The following SIAH3 variants were observed in gnomAD, a reference collection of about 807,000 sequenced individuals.
SIAH3 encodes siah E3 ubiquitin protein ligase family member 3, also known as seven in absentia homolog 3.
A neutral mutation model predicts 12.6 loss-of-function variants in SIAH3; 9 were observed. The observed-to-expected ratio is 0.72, with a 90% CI of 0.43 to 1.25. The LOEUF (loss-of-function observed/expected upper bound fraction) is 1.25, where lower values mean the gene tolerates loss of function less well. Among genes scored for constraint, SIAH3 ranks in the 50% most tolerant of loss-of-function variants. The pLI, the probability that SIAH3 is intolerant of heterozygous loss-of-function variation, is 0.00. For synonymous variants in SIAH3, 154 were observed against 151.1 expected (o/e 1.02, Z -0.14); for missense variants, 390 against 365.4 (o/e 1.07, Z -0.55).
rs148357132 is a variant in SIAH3, at chr13:45,789,538, C to G, written c.136-5481G>C. Among the ~76,000 whole-genome samples the G allele has an allele frequency of 4.8e-3, 729 of 152,204 alleles. 5 individuals carry two copies. The highest frequency in any genetic ancestry group is 0.017 in the African/African-American group (687 of 41,516). ...TCTCCTGTCTCAGTTTCCTGAGTAG[C>G]TGGGACTACAGGCGCCTGCTACCAT... On this transcript the variant is annotated intron_variant, in intron 1 of 1. Transcript: ENST00000400405.
chr13:45,849,485 T>C (rs1241947139), intron 1 of SIAH3, among the ~76,000 whole-genome samples: 1 of 152,170 alleles, frequency 6.6e-6, no homozygotes, highest in Non-Finnish European at 1.5e-5. Flanking sequence ...ATGAAACACC[T>C]CTGATACCTC....
At chr13:45,788,522 G>A (rs1397864876) in intron 1 of SIAH3, among the ~76,000 whole-genome samples, 1 of 152,164 alleles carries the variant, frequency 6.6e-6, no homozygotes, top group Non-Finnish European at 1.5e-5. Context: ...GCAATGTTAG[G>A]CTTTATAGGC....
intron 1 of SIAH3, among the ~76,000 whole-genome samples, chr13:45,797,786 G>A (rs568025349): frequency 4.6e-4 from 70 of 152,226 alleles, no homozygotes; most frequent in Non-Finnish European, 8.7e-4. Context: ...CCATCATGCC[G>A]GGCATCCTTC....
At chr13:45,840,256 C>CA (rs1359442931) in intron 1 of SIAH3, among the ~76,000 whole-genome samples, 72 of 150,204 alleles carry the variant, frequency 4.8e-4, no homozygotes, top group South Asian at 1.3e-3. Context: ...AAACTCTGGC[C>CA]AAAAAAAAAC....
intron 1 of SIAH3, among the ~76,000 whole-genome samples, chr13:45,832,290 C>T (rs746985803): frequency 6.6e-6 from 1 of 152,218 alleles, no homozygotes; most frequent in Admixed American, 6.5e-5. Flanking sequence ...TCGCCACTAT[C>T]TATTTTCAGA....
intron 1 of SIAH3, among the ~76,000 whole-genome samples, chr13:45,827,132 G>A (rs889171544): frequency 6.6e-6 from 1 of 152,162 alleles, no homozygotes; most frequent in African/African-American, 2.4e-5. Flanking sequence ...TCTGATGCCT[G>A]TGTGACTGAC....
rs1950516766 is a variant in SIAH3, at chr13:45,784,012, C to T, written c.181G>A (p.Gly61Ser). The T allele has an allele frequency of 4.4e-6, 7 of 1,605,394 alleles. No homozygotes were observed. The highest frequency in any genetic ancestry group is 6.0e-6 in the Non-Finnish European group (7 of 1,176,006). Residue 61 changes from glycine (G) to serine (S), a missense_variant, in exon 2 of 2, where the codon GGC becomes AGC. Coordinates refer to ENST00000400405, the MANE Select transcript of SIAH3 (RefSeq NM_198849.3). ...RAVTQSAPEQGSFHPHHLSHH... is the reference protein window; with the variant it reads ...RAVTQSAPEQSSFHPHHLSHH... ...GAGAGATGGTGAGGGTGGAAGCTGC[C>T]TTGCTCTGGAGCGCTCTGAGTGACG...
intron 1 of SIAH3, among the ~76,000 whole-genome samples, chr13:45,784,398 G>GTTTTTTTTTTTT (rs35686357): frequency 2.7e-4 from 18 of 65,782 alleles, no homozygotes; most frequent in South Asian, 7.0e-4. Context: ...AAAGACAGCT[G>GTTTTTTTTTTTT]TTTTTTTTTT....
chr13:45,851,229 T>G (rs1339444402), intron 1 of SIAH3, among the ~76,000 whole-genome samples: 1 of 151,972 alleles, frequency 6.6e-6, no homozygotes, highest in African/African-American at 2.4e-5. Flanking sequence ...CACGCCACTC[T>G]CAGGTTGACA....
chr13:45,779,087 T>C lies in SIAH3; in HGVS notation c.*4296A>G, dbSNP rs1950494588. The C allele has an allele frequency of 6.6e-6, 1 of 152,172 alleles. No homozygotes were observed. The highest frequency in any genetic ancestry group is 1.5e-5 in the Non-Finnish European group (1 of 68,030). 9.4% of individuals were successfully genotyped at this position (152,172 alleles called of 1,614,324 possible). A position where few individuals can be genotyped will look rare whatever the true frequency, so the allele number is the denominator to read the frequency against. On this transcript the variant is annotated 3_prime_UTR_variant, in exon 2 of 2. Coordinates refer to ENST00000400405, the MANE Select transcript of SIAH3 (RefSeq NM_198849.3). ...TTCCACCATGGCTAATTTCAAGCAA[T>C]CACCATGACGTCACTAAATGTGGAG...
At chr13:45,850,207 A>G (rs1379019010) in intron 1 of SIAH3, among the ~76,000 whole-genome samples, 1 of 152,066 alleles carries the variant, frequency 6.6e-6, no homozygotes, top group Non-Finnish European at 1.5e-5. Flanking sequence ...CCCCTCCCCC[A>G]GGACTGGCCT....
In SIAH3 at chr13:45,778,980, A is replaced by T. The variant is rs1281733801; in HGVS notation, c.*4403T>A. ...CCCAAGGATACTGAGGGATGATTAT[A>T]CTGTTAAGTGCTTAACAACTGGCTT... is the stretch of plus-strand genomic sequence containing the variant. On this transcript the variant is annotated 3_prime_UTR_variant, in exon 2 of 2. Transcript: ENST00000400405. 1 of 152,170 alleles carries T rather than the reference A, an allele frequency of 6.6e-6. No individual in the cohort carries two copies. The highest frequency in any genetic ancestry group is 1.5e-5 in the Non-Finnish European group (1 of 68,038). The allele number at this position is 152,170 out of a possible 1,614,324, so 9.4% of individuals were successfully genotyped here. A position where few individuals can be genotyped will look rare whatever the true frequency, so the allele number is the denominator to read the frequency against.
intron 1 of SIAH3, among the ~76,000 whole-genome samples, chr13:45,815,887 C>T (rs557985702): frequency 6.6e-6 from 1 of 152,366 alleles, no homozygotes; most frequent in East Asian, 1.9e-4. Context: ...CATGGCAGTA[C>T]AGGGCATCCC....
chr13:45,831,229 A>T (rs865982915), intron 1 of SIAH3, among the ~76,000 whole-genome samples: 6 of 151,738 alleles, frequency 4.0e-5, no homozygotes, highest in South Asian at 2.1e-4. Context: ...TAAATAAAAT[A>T]AAAAAATGAA....
intron 1 of SIAH3, among the ~76,000 whole-genome samples, chr13:45,789,792 G>C (rs1466165121): frequency 2.6e-5 from 4 of 152,122 alleles, no homozygotes; most frequent in Non-Finnish European, 5.9e-5. Flanking sequence ...ACCTAACACT[G>C]TATTGGAAAA....
intron 1 of SIAH3, among the ~76,000 whole-genome samples, chr13:45,846,634 CCT>C (rs2137586708): frequency 6.6e-6 from 1 of 152,278 alleles, no homozygotes; most frequent in South Asian, 2.1e-4. Flanking sequence ...GTAATTCAGA[CCT>C]CTCTGCGGAT....
intron 1 of SIAH3, among the ~76,000 whole-genome samples, chr13:45,787,135 G>A (rs1178900605): frequency 1.3e-5 from 2 of 151,990 alleles, no homozygotes; most frequent in Non-Finnish European, 2.9e-5. Context: ...AGCAAAGATG[G>A]CTCCCTTTGA....
intron 1 of SIAH3, among the ~76,000 whole-genome samples, chr13:45,809,460 G>C (rs1950609158): frequency 6.6e-6 from 1 of 152,202 alleles, no homozygotes; most frequent in Non-Finnish European, 1.5e-5. Context: ...GGGCAGAATT[G>C]TCTGCTTTGC....
intron 1 of SIAH3, among the ~76,000 whole-genome samples, chr13:45,846,271 G>T (rs965048490): frequency 2.0e-5 from 3 of 151,824 alleles, no homozygotes; most frequent in Non-Finnish European, 4.4e-5. Context: ...CGTAGTTTTA[G>T]TAGAGTGTGG....
Sources: gnomAD v4.1 joint callset for allele counts (sites outside exome capture counted in the v4.1 genomes callset) on GRCh38, gnomAD v4.1.1 for gene constraint, MANE v1.5 for transcripts, NCBI Gene and HGNC (gene_info 2026-07-23, HGNC 2026-07-21) for gene names.